PLA2G6: variants seen among roughly 807,000 people sequenced by gnomAD.
PLA2G6 encodes phospholipase A2 group VI.
Under a neutral mutation model 83.8 loss-of-function variants are expected in PLA2G6, and 62 were observed. The observed-to-expected ratio is 0.74, with a 90% CI of 0.60 to 0.91. PLA2G6 has a LOEUF of 0.91. Ranked by LOEUF, PLA2G6 falls within the 40% of genes least tolerant of loss-of-function variation. The probability of loss-of-function intolerance (pLI) is 0.00; values close to 1 mark genes in which losing one functional copy is unlikely to be tolerated. For synonymous variants in PLA2G6, 417 were observed against 449.8 expected, an observed-to-expected ratio of 0.93 and a Z score of 0.92; for missense variants, 944 against 1,102.0, an observed-to-expected ratio of 0.86 and a Z score of 2.03.
Position 38,121,010 on chromosome 22 carries a change from A to G in PLA2G6, c.1592-101T>C, listed in dbSNP as rs118082812. The stretch of plus-strand genomic sequence containing the variant: ...CCTGAACGCAGGAGGTGGCAGGAGG[A>G]AGCGGGTTTACCGAGGCCTAAGCAA... On this transcript the variant is annotated intron_variant, in intron 11 of 16. Transcript: ENST00000332509. The G allele has an allele frequency of 5.2e-4, 746 of 1,445,644 alleles. 6 individuals carry two copies. In the East Asian group the frequency reaches 0.013, roughly 26 times the overall value. 89.6% of individuals were successfully genotyped at this position (1,445,644 alleles called of 1,614,324 possible).
At chr22:38,135,222 C>A in intron 5 of PLA2G6, 138 bp from the exon 6 acceptor site, 1 of 686,938 alleles carries the variant, frequency 1.5e-6, no homozygotes, top group Non-Finnish European at 2.6e-6. Flanking sequence ...AACCAGCACA[C>A]TCACCATGGT....
At chr22:38,154,808 T>C (rs971423775) in intron 2 of PLA2G6, among the ~76,000 whole-genome samples, 16 of 152,212 alleles carry the variant, frequency 1.1e-4, no homozygotes, top group Admixed American at 9.8e-4. Context: ...GACAGAGATA[T>C]GTGACCTTTC....
intron 2 of PLA2G6, chr22:38,149,838 G>A (rs1162284398): frequency 6.6e-6 from 1 of 152,036 alleles, no homozygotes; most frequent in African/African-American, 2.4e-5. Context: ...GGGAGGCTAA[G>A]GCAGGGGAAT....
intron 10 of PLA2G6, among the ~76,000 whole-genome samples, chr22:38,125,869 T>C (rs2087822542): frequency 6.6e-6 from 1 of 152,184 alleles, no homozygotes. Flanking sequence ...GCACCCGGGA[T>C]TATGCCTGAA....
intron 2 of PLA2G6, among the ~76,000 whole-genome samples, chr22:38,154,051 T>C (rs1214033420): frequency 6.6e-6 from 1 of 152,230 alleles, no homozygotes; most frequent in African/African-American, 2.4e-5. Context: ...CTTTGCCTTA[T>C]GGCTTGGGTA....
At chr22:38,161,420 A>G (rs1026333652) in intron 2 of PLA2G6, among the ~76,000 whole-genome samples, 3 of 152,104 alleles carry the variant, frequency 2.0e-5, no homozygotes, top group Non-Finnish European at 4.4e-5. Context: ...CTCCATCCTC[A>G]TGACCTAATC....
At position 38,140,089 on chromosome 22, in the gene PLA2G6, C is replaced by T; in HGVS notation, c.690G>A (p.Leu230=). The change falls in exon 5 of 17, where the codon CTG becomes CTA. Residue 230 remains leucine (L), a synonymous_variant. Transcript: ENST00000332509. ...GCACGCGGACCATCTCCTGCTTCCC[C>T]AGCTGGCAGGCCAGGTGCAGCGGGG... The part of the protein sequence containing the change: ...GLTPLHLACQ[L]GKQEMVRVLL... The T allele has an allele frequency of 6.2e-7, 1 of 1,614,134 alleles. No homozygotes were observed. Among genetic ancestry groups the T allele is most frequent in the Non-Finnish European group, 8.5e-7 (1 of 1,180,006 alleles).
At chr22:38,143,067 G>A (rs771136458) in intron 4 of PLA2G6, 38 bp downstream of exon 4, 12 of 1,592,992 alleles carry the variant, frequency 7.5e-6, no homozygotes, top group Non-Finnish European at 9.5e-6. Context: ...ACACCGGGAG[G>A]TATCAGTACC....
chr22:38,162,582 C>T (rs552071684), intron 2 of PLA2G6, among the ~76,000 whole-genome samples: 1 of 152,228 alleles, frequency 6.6e-6, no homozygotes, highest in Non-Finnish European at 1.5e-5. Flanking sequence ...GAGCTGCTGT[C>T]ACTGGCGATG....
chr22:38,148,613 A>G (rs1294919869), intron 2 of PLA2G6: 3 of 711,630 alleles, frequency 4.2e-6, no homozygotes, highest in Admixed American at 2.1e-5. Context: ...CAGGGACTGG[A>G]GCCCAGGCGT....
intron 2 of PLA2G6, among the ~76,000 whole-genome samples, chr22:38,166,898 C>T (rs1287317917): frequency 1.3e-5 from 2 of 152,104 alleles, no homozygotes; most frequent in Non-Finnish European, 2.9e-5. Flanking sequence ...TGGAATACTG[C>T]CTTCCTTGCC....
intron 11 of PLA2G6, 168 bp from the exon 12 acceptor site, chr22:38,121,077 C>G (rs1174209791): frequency 1.5e-6 from 1 of 655,034 alleles, no homozygotes; most frequent in East Asian, 2.8e-5. Flanking sequence ...CCCAGACAGA[C>G]AGAGAGAAAC....
At chr22:38,141,835 G>C (rs2088924455) in intron 4 of PLA2G6, 1 of 152,130 alleles carries the variant, frequency 6.6e-6, no homozygotes, top group South Asian at 2.1e-4. Flanking sequence ...GATTCTCGGT[G>C]AAAGTGGAGT....
At chr22:38,133,072 GA>G in intron 6 of PLA2G6, 59 bp from the exon 7 acceptor site, 1 of 1,483,282 alleles carries the variant, frequency 6.7e-7, no homozygotes, top group South Asian at 1.2e-5. Context: ...CGCACCCCGG[GA>G]CACGTGGGCA....
chr22:38,123,248 G>A lies in PLA2G6; in HGVS notation c.1438C>T (p.Leu480=). The change falls in exon 11 of 17, where the codon CTG becomes TTG. Residue 480 remains leucine (L), a synonymous_variant. Coordinates refer to ENST00000332509, the MANE Select transcript of PLA2G6 (RefSeq NM_003560.4). The surrounding 1 kb of genome is among the most constrained non-coding windows in gnomAD (Gnocchi z 4.1). The part of the protein sequence containing the change: ...MRDEKRTHDH[L]LCLDGGGVKG... The stretch of plus-strand genomic sequence containing the variant: ...ACTCCTCCTCCATCCAGGCACAGCA[G>A]GTGGTCGTGGCTGCAGTGGGAACAG... 7 of 1,559,414 alleles carry A rather than the reference G, an allele frequency of 4.5e-6. No homozygotes were observed. The highest frequency in any genetic ancestry group is 4.3e-6 in the Non-Finnish European group (5 of 1,151,206).
chr22:38,148,547 C>CT (rs1292466737), intron 2 of PLA2G6: 3 of 717,226 alleles, frequency 4.2e-6, no homozygotes, highest in Non-Finnish European at 5.2e-6. Flanking sequence ...GTGGCTGTTA[C>CT]TGGAGAGGAT....
At chr22:38,167,022 AT>A (rs1407851511) in intron 2 of PLA2G6, among the ~76,000 whole-genome samples, 1 of 151,612 alleles carries the variant, frequency 6.6e-6, no homozygotes, top group African/African-American at 2.4e-5. Context: ...AGGTCAGGAG[AT>A]TGAGACCATC....
rs1191964629 is a variant in PLA2G6, at chr22:38,111,538, C to G, written c.*623G>C. ...ATTTATTTCAGTTTTGGCTCTTAAG[C>G]CACTTCCATTGGGAAGAAGAAACTC... On this transcript the variant is annotated 3_prime_UTR_variant, in exon 17 of 17. Coordinates refer to ENST00000332509, the MANE Select transcript of PLA2G6 (RefSeq NM_003560.4). 6.1e-6 allele frequency: 1 copy of G among 163,518 alleles called. No homozygotes were observed. Among genetic ancestry groups the G allele is most frequent in the Non-Finnish European group, 1.3e-5 (1 of 74,310 alleles). 10.1% of individuals were successfully genotyped at this position (163,518 alleles called of 1,614,324 possible).
chr22:38,131,851 T>C, intron 7 of PLA2G6: 1 of 298,918 alleles, frequency 3.3e-6, no homozygotes. Context: ...CACTTTGGGG[T>C]GCCAAGGCGG....
Sources: allele counts gnomAD v4.1 joint callset (sites outside exome capture counted in the v4.1 genomes callset), GRCh38; gene constraint gnomAD v4.1.1; non-coding constraint Gnocchi (gnomAD v3.1); transcripts MANE v1.5; gene names NCBI Gene and HGNC (gene_info 2026-07-23, HGNC 2026-07-21).